The following PSD3 variants were observed in gnomAD, a reference collection of about 807,000 sequenced individuals.
The protein encoded by PSD3 is pleckstrin and Sec7 domain containing 3, also known as PH and SEC7 domain-containing protein 3.
In PSD3, 49 loss-of-function variants were observed where a neutral mutation model predicts 105.5. That is an observed-to-expected ratio of 0.46 (90% confidence interval 0.37 to 0.59). The LOEUF is 0.59. Ranked by LOEUF, PSD3 falls within the 20% of genes least tolerant of loss-of-function variation. The pLI is 0.00. For synonymous variants in PSD3, 557 were observed against 457.8 expected, an observed-to-expected ratio of 1.22 and a Z score of -2.77; for missense variants, 1,561 against 1,263.8, an observed-to-expected ratio of 1.24 and a Z score of -3.57.
chr8:18,620,321 C>T (rs1249289609), intron 11 of PSD3, among the ~76,000 whole-genome samples: 1 of 149,368 alleles, frequency 6.7e-6, no homozygotes, highest in East Asian at 2.0e-4. Context: ...GGACTACTTA[C>T]TGAAGGGTTC....
At chr8:18,714,440 A>T (rs2129423429) in intron 9 of PSD3, among the ~76,000 whole-genome samples, 1 of 151,972 alleles carries the variant, frequency 6.6e-6, no homozygotes, top group Non-Finnish European at 1.5e-5. Context: ...AAAAAAAAAA[A>T]ACCAAACAAC....
chr8:18,837,265 C>G (rs552798850), intron 4 of PSD3, among the ~76,000 whole-genome samples: 36 of 152,320 alleles, frequency 2.4e-4, no homozygotes, highest in Non-Finnish European at 4.7e-4. Context: ...CTCTGGGTCA[C>G]TCTGTAGACC....
At chr8:19,084,291 G>C in exon 1 of PSD3, 2 of 456,234 alleles carry the variant, frequency 4.4e-6, no homozygotes, top group South Asian at 3.1e-5. Flanking sequence ...TGCCCTTGTC[G>C]CCTGCGCTGT....
chr8:18,746,541 C>G (rs1203038804), intron 9 of PSD3, among the ~76,000 whole-genome samples: 1 of 152,140 alleles, frequency 6.6e-6, no homozygotes, highest in African/African-American at 2.4e-5. Context: ...GGGGTCCCCA[C>G]CTTGCGAAGT....
rs1050472299 is a variant in PSD3 at position 18,918,897 on chromosome 8, C to T, written c.130+17137G>A. ...GTCATTCATAAGTGCCAGTTCAGAC[C>T]CGGGGAAGACTATCTGGTCTTGCAA... is the stretch of plus-strand genomic sequence containing the variant. On this transcript the variant is annotated intron_variant, in intron 2 of 15. Transcript: ENST00000327040. 6.6e-5 allele frequency among the ~76,000 whole-genome samples: 10 copies of T among 152,068 alleles called. No homozygotes were observed. In the South Asian group the frequency reaches 1.2e-3, roughly 19 times the overall value.
chr8:18,721,430 C>G (rs773623082), intron 9 of PSD3, among the ~76,000 whole-genome samples: 2 of 152,108 alleles, frequency 1.3e-5, no homozygotes, highest in Non-Finnish European at 1.5e-5. Context: ...CCAGGAACTG[C>G]TGTATTTATC....
intron 4 of PSD3, among the ~76,000 whole-genome samples, chr8:18,807,735 C>T (rs746597738): frequency 6.6e-6 from 1 of 152,180 alleles, no homozygotes; most frequent in African/African-American, 2.4e-5. Flanking sequence ...AAATAAATTG[C>T]TTCATTATGA....
At chr8:18,943,968 G>A (rs748507279) in intron 1 of PSD3, among the ~76,000 whole-genome samples, 9 of 152,076 alleles carry the variant, frequency 5.9e-5, no homozygotes, top group African/African-American at 9.6e-5. Flanking sequence ...ATTAAGTCAC[G>A]ACTCTATTAG....
At chr8:18,927,344 G>C (rs189951017) in intron 2 of PSD3, among the ~76,000 whole-genome samples, 118 of 152,200 alleles carry the variant, frequency 7.8e-4, no homozygotes, top group Non-Finnish European at 1.2e-3. Flanking sequence ...CTCCCGAGTA[G>C]CTGGGATTAC....
intron 3 of PSD3, among the ~76,000 whole-genome samples, chr8:18,871,297 AGTTACCTTGAC>A (rs1248281439): frequency 6.6e-6 from 1 of 152,190 alleles, no homozygotes; most frequent in African/African-American, 2.4e-5. Context: ...GGGGTATGTT[AGTTACCTTGAC>A]GTTGGGAAAC....
intron 2 of PSD3, among the ~76,000 whole-genome samples, chr8:18,885,497 G>A (rs1818395935): frequency 1.3e-5 from 2 of 152,210 alleles, no homozygotes; most frequent in South Asian, 4.1e-4. Flanking sequence ...AATCATGAAT[G>A]CCAAGCAGCT....
At chr8:18,945,892 T>C (rs951239802) in intron 1 of PSD3, among the ~76,000 whole-genome samples, 2 of 152,188 alleles carry the variant, frequency 1.3e-5, no homozygotes, top group African/African-American at 4.8e-5. Context: ...GAGAATCGCT[T>C]GAACCCGGGA....
Position 18,662,097 on chromosome 8 carries a change from C to A in PSD3, c.2173-6412G>T, listed in dbSNP as rs145479824. On this transcript the variant is annotated intron_variant, in intron 9 of 15. Transcript: ENST00000327040. Reference sequence around the variant, plus strand: ...GCAATTAGTCTTATGTTGTGATGTACTTCCAAACCCAGTCACAGTCCCAAA... The same window carrying A: ...GCAATTAGTCTTATGTTGTGATGTAATTCCAAACCCAGTCACAGTCCCAAA... Among the ~76,000 whole-genome samples, 39 of 151,898 alleles carry A rather than the reference C, an allele frequency of 2.6e-4. No individual in the cohort carries two copies. The East Asian group carries it at 7.4e-3, about 29-fold the overall frequency.
chr8:18,681,174 C>A (rs534793418), intron 9 of PSD3, among the ~76,000 whole-genome samples: 1 of 152,190 alleles, frequency 6.6e-6, no homozygotes, highest in African/African-American at 2.4e-5. Context: ...TTAATGGTAT[C>A]TTATTTTTTA....
At position 18,972,007 on chromosome 8, in the gene PSD3, A is replaced by G. The variant is rs928886744; in HGVS notation, c.22-35865T>C. ...ACAACACAGCAAGACTGTCAAAAAAAATAAAAATAAACAAAATACTATAAA... is the reference window on the plus strand; with the variant it reads ...ACAACACAGCAAGACTGTCAAAAAAGATAAAAATAAACAAAATACTATAAA... On this transcript the variant is annotated intron_variant, in intron 1 of 15. Coordinates refer to ENST00000327040, the MANE Select transcript of PSD3 (RefSeq NM_015310.4). Among the ~76,000 whole-genome samples the G allele has an allele frequency of 7.9e-5, 12 of 152,312 alleles. No individual in the cohort carries two copies. In the East Asian group the frequency reaches 1.7e-3, roughly 22 times the overall value.
intron 1 of PSD3, among the ~76,000 whole-genome samples, chr8:19,058,249 C>T (rs955126929): frequency 1.1e-4 from 16 of 151,800 alleles, no homozygotes; most frequent in South Asian, 4.2e-4. Flanking sequence ...TAAACTACAG[C>T]GATGAGGAAC....
intron 14 of PSD3, chr8:18,557,477 T>C (rs1585235126): frequency 6.5e-6 from 1 of 154,170 alleles, no homozygotes; most frequent in Admixed American, 6.5e-5. Flanking sequence ...CGGACTTTTG[T>C]AATAATGTAC....
At chr8:19,080,738 G>C (rs1829618184) in intron 1 of PSD3, among the ~76,000 whole-genome samples, 1 of 152,134 alleles carries the variant, frequency 6.6e-6, no homozygotes, top group Non-Finnish European at 1.5e-5. Context: ...GGTAGGAAGG[G>C]AGAAAGGAAG....
chr8:18,868,203 G>A (rs1817092524), intron 3 of PSD3, 134 bp from the exon 4 acceptor site: 2 of 1,047,734 alleles, frequency 1.9e-6, no homozygotes, highest in Admixed American at 2.8e-5. Context: ...TAACATATTT[G>A]GGAAGGAAGC....
Sources: allele counts gnomAD v4.1 joint callset (sites outside exome capture counted in the v4.1 genomes callset), GRCh38; gene constraint gnomAD v4.1.1; transcripts MANE v1.5; gene names NCBI Gene and HGNC (gene_info 2026-07-23, HGNC 2026-07-21).